Variants in KNL1 observed in about 807,000 individuals in gnomAD.
The protein encoded by KNL1 is kinetochore scaffold 1, also known as outer kinetochore KNL1 complex subunit KNL1.
A neutral mutation model predicts 201.3 loss-of-function variants in KNL1; 66 were observed. The observed-to-expected ratio is 0.33, with a 90% CI of 0.27 to 0.40. KNL1 has a LOEUF of 0.40. Among genes scored for constraint, KNL1 ranks in the 10% least tolerant of loss-of-function variants. The pLI, the probability that KNL1 is intolerant of heterozygous loss-of-function variation, is 1.00. For synonymous variants in KNL1, 895 were observed against 899.2 expected, an observed-to-expected ratio of 1.00 and a Z score of 0.08; for missense variants, 2,815 against 2,690.5, an observed-to-expected ratio of 1.05 and a Z score of -1.02.
Position 40,622,919 on chromosome 15 carries a change from A to G in KNL1, c.2655A>G (p.Arg885=). The G allele has an allele frequency of 6.2e-7, 1 of 1,612,764 alleles. No individual in the cohort carries two copies. The highest frequency in any genetic ancestry group is 8.5e-7 in the Non-Finnish European group (1 of 1,179,328). ...TKSYTIEINH[R]PLLEKRDCHL... ...GTTATACAATAGAAATAAACCATAG[A>G]CCTTTATTAGAGAAACGTGATTGTC... Residue 885 remains arginine (R), a synonymous_variant, in exon 10 of 26, where the codon AGA becomes AGG. Transcript: ENST00000399668.
rs1892678453 is a variant in KNL1 at position 40,624,683 on chromosome 15, G to A, written c.4419G>A (p.Lys1473=). The A allele has an allele frequency of 6.2e-7, 1 of 1,612,242 alleles. No homozygotes were observed. Among genetic ancestry groups the A allele is most frequent in the South Asian group, 1.1e-5 (1 of 90,936 alleles). The change falls in exon 10 of 26, where the codon AAG becomes AAA. Residue 1473 remains lysine (K), a synonymous_variant. Transcript: ENST00000399668. ...EEVILSKAGN[K]SLNIIENSSA... is the part of the protein sequence containing the mutation. ...TAATACTGTCTAAAGCTGGAAATAA[G>A]AGTTTAAATATTATAGAAAATTCCT... is the stretch of plus-strand genomic sequence containing the variant.
At chr15:40,659,574 C>T (rs1240298543) in intron 25 of KNL1, 113 bp downstream of exon 25, 2 of 874,328 alleles carry the variant, frequency 2.3e-6, no homozygotes, top group Admixed American at 6.0e-5. Context: ...CTCACTGCAA[C>T]CTCTGCCTCC....
At chr15:40,613,341 G>A (rs1447874482) in intron 7 of KNL1, among the ~76,000 whole-genome samples, 1 of 152,052 alleles carries the variant, frequency 6.6e-6, no homozygotes, top group African/African-American at 2.4e-5. Context: ...TAATATCTCT[G>A]GAAGAAACTA....
intron 17 of KNL1, among the ~76,000 whole-genome samples, chr15:40,649,702 T>C (rs1893496974): frequency 6.6e-6 from 1 of 152,142 alleles, no homozygotes; most frequent in African/African-American, 2.4e-5. Flanking sequence ...ACTCCTGGGC[T>C]CAAGGAATCC....
chr15:40,622,765 A>C lies in KNL1; in HGVS notation c.2501A>C (p.Gln834Pro). 1 of 1,610,758 alleles carries C rather than the reference A, an allele frequency of 6.2e-7. No individual in the cohort carries two copies. The highest frequency in any genetic ancestry group is 8.5e-7 in the Non-Finnish European group (1 of 1,178,808). ...GATGTGTTAGAGGACGAAAGTGTAC[A>C]GAAACCTAAATTTCCAAAGGAAAAG... ...IMDVLEDESV[Q>P]KPKFPKEKQN... The change falls in exon 10 of 26, where the codon CAG (glutamine) becomes CCG (proline). Residue 834 changes from glutamine to proline, a missense_variant. Transcript: ENST00000399668.
Position 40,662,312 on chromosome 15 carries a change from A to G in KNL1, c.*124A>G. The G allele has an allele frequency of 1.6e-6, 1 of 641,874 alleles. No individual in the cohort carries two copies. The highest frequency in any genetic ancestry group is 2.8e-6 in the Non-Finnish European group (1 of 357,594). 39.8% of individuals were successfully genotyped at this position (641,874 alleles called of 1,614,324 possible). ...GAGTAAAATTCCTTCTGATGATGTT[A>G]TAGTTAATCTGTATGTTTTTTATAT... On this transcript the variant is annotated 3_prime_UTR_variant, in exon 26 of 26. Transcript: ENST00000399668.
At chr15:40,635,112 G>A (rs1893017608) in intron 13 of KNL1, among the ~76,000 whole-genome samples, 2 of 150,734 alleles carry the variant, frequency 1.3e-5, no homozygotes, top group Admixed American at 6.6e-5. Context: ...GCAGTGGCAC[G>A]ATCTCGGCTC....
chr15:40,639,441 C>T (rs138043834), intron 13 of KNL1, among the ~76,000 whole-genome samples: 1,778 of 151,692 alleles, frequency 0.012, 9 homozygotes, highest in Middle Eastern at 0.044. Context: ...CAAAAGTAGC[C>T]GGGCGTGGTG....
chr15:40,629,715 C>G (rs1046661672), intron 13 of KNL1, among the ~76,000 whole-genome samples: 10 of 151,820 alleles, frequency 6.6e-5, no homozygotes, highest in African/African-American at 2.4e-4. Flanking sequence ...ATTGGCCAGG[C>G]TGGTCTTGAA....
chr15:40,607,414 T>C (rs1207761041), intron 4 of KNL1, among the ~76,000 whole-genome samples: 1 of 152,226 alleles, frequency 6.6e-6, no homozygotes, highest in Non-Finnish European at 1.5e-5. Flanking sequence ...CTGTAGCATC[T>C]TCTAGGGCCT....
At chr15:40,601,965 C>T (rs1484827185) in intron 1 of KNL1, among the ~76,000 whole-genome samples, 2 of 144,298 alleles carry the variant, frequency 1.4e-5, no homozygotes, top group African/African-American at 5.1e-5. Context: ...CCTCAGCCTC[C>T]CTAGTAGCTG....
intron 8 of KNL1, among the ~76,000 whole-genome samples, chr15:40,616,872 G>T (rs187157327): frequency 2.8e-4 from 43 of 152,312 alleles, no homozygotes; most frequent in Admixed American, 2.6e-3. Context: ...GGTATCCCAT[G>T]CTCTAGCCCA....
chr15:40,651,769 T>G (rs540330839), intron 20 of KNL1, among the ~76,000 whole-genome samples, 197 bp downstream of exon 20: 1 of 152,318 alleles, frequency 6.6e-6, no homozygotes, highest in African/African-American at 2.4e-5. Context: ...TTTCCATATT[T>G]TATACTTTTC....
chr15:40,642,002 A>C (rs573387269), intron 14 of KNL1, among the ~76,000 whole-genome samples: 1 of 152,358 alleles, frequency 6.6e-6, no homozygotes, highest in African/African-American at 2.4e-5. Flanking sequence ...GGACTATCCA[A>C]CTAAATTTGA....
In KNL1 at chr15:40,621,925, C is replaced by T; in HGVS notation, c.1661C>T (p.Pro554Leu). Reference sequence around the variant, plus strand: ...AGAATACAGCAGAGCCTGTCAAATCCTTTGTCTATTTCATTGACTGATAGA... The same window carrying T: ...AGAATACAGCAGAGCCTGTCAAATCTTTTGTCTATTTCATTGACTGATAGA... ...KERIQQSLSN[P>L]LSISLTDRKT... Residue 554 changes from proline (P) to leucine (L), a missense_variant, in exon 10 of 26, where the codon CCT becomes CTT. Pro to Leu is a moderately conservative substitution (Grantham distance 98, BLOSUM62 -3). This residue lies in a region of KNL1 where 2,464 missense variants were observed against 2,291.7 expected (regional missense o/e 1.08). Transcript: ENST00000399668. The T allele has an allele frequency of 6.2e-7, 1 of 1,613,604 alleles. No individual in the cohort carries two copies.
chr15:40,658,232 C>T (rs1188899389), intron 24 of KNL1, among the ~76,000 whole-genome samples: 1 of 151,064 alleles, frequency 6.6e-6, no homozygotes, highest in African/African-American at 2.4e-5. Flanking sequence ...TGCCACTGCC[C>T]TCCAGCCTGG....
intron 22 of KNL1, among the ~76,000 whole-genome samples, chr15:40,655,313 G>T (rs1364890196): frequency 4.6e-5 from 7 of 151,694 alleles, no homozygotes; most frequent in Admixed American, 2.6e-4. Context: ...AAAAAATAAG[G>T]CTGGGCACGG....
intron 17 of KNL1, 91 bp from the exon 18 acceptor site, chr15:40,650,210 T>C (rs1893512279): frequency 1.2e-6 from 1 of 827,532 alleles, no homozygotes; most frequent in Non-Finnish European, 1.9e-6. Context: ...TAATAAATTG[T>C]TTTTGATTGA....
At chr15:40,649,512 T>C (rs894190152) in intron 17 of KNL1, among the ~76,000 whole-genome samples, 3 of 151,768 alleles carry the variant, frequency 2.0e-5, no homozygotes, top group Non-Finnish European at 2.9e-5. Flanking sequence ...GCCAGGCTGG[T>C]CTCAACTCCT....
Sources: allele counts gnomAD v4.1 joint callset (sites outside exome capture counted in the v4.1 genomes callset), GRCh38; gene constraint gnomAD v4.1.1; regional missense constraint gnomAD v4.1.1; transcripts MANE v1.5; gene names NCBI Gene and HGNC (gene_info 2026-07-23, HGNC 2026-07-21).